ABCA12: variants seen among roughly 807,000 people sequenced by gnomAD.
The protein encoded by ABCA12 is glucosylceramide transporter ABCA12.
ABCA12 carries 156 observed loss-of-function variants against 293.5 expected under a neutral mutation model. The ratio of observed to expected loss-of-function variants is 0.53; its 90% confidence interval spans 0.47 to 0.61. The LOEUF (loss-of-function observed/expected upper bound fraction) is 0.61. Among genes scored for constraint, ABCA12 ranks in the 20% least tolerant of loss-of-function variants. The pLI, the probability that ABCA12 is intolerant of heterozygous loss-of-function variation, is 0.00. For missense variants in ABCA12, 2,797 were observed against 3,090.2 expected (o/e 0.91, Z 2.25); for synonymous variants, 1,063 against 1,108.0 (o/e 0.96, Z 0.81).
intron 1 of ABCA12, 77 bp downstream of exon 1, chr2:215,138,063 T>C: frequency 7.1e-7 from 1 of 1,407,286 alleles, no homozygotes. Flanking sequence ...TGTTTTCACT[T>C]CTCATTAAGA....
chr2:214,990,018 T>A (rs1035140182), intron 24 of ABCA12, among the ~76,000 whole-genome samples: 5 of 152,212 alleles, frequency 3.3e-5, no homozygotes, highest in African/African-American at 1.2e-4. Context: ...AGAAGTACTA[T>A]GAATAAAAAT....
rs780722586 is a variant in ABCA12, at chr2:214,976,861, A to AATAT, written c.5129-825_5129-824insATAT. 3.4e-3 allele frequency among the ~76,000 whole-genome samples: 524 copies of AATAT among 152,226 alleles called. 2 individuals carry two copies. Among genetic ancestry groups the AATAT allele is most frequent in the Middle Eastern group, 0.014 (4 of 294 alleles). On this transcript the variant is annotated intron_variant, in intron 33 of 52. Transcript: ENST00000272895. ...TAATAATTTCAGCACTCCCTCTAAA[A>AATAT]ACAGGTTCAAATATAGCATTCTCTC... is the stretch of plus-strand genomic sequence containing the variant.
At chr2:215,019,880 G>A in intron 11 of ABCA12, 84 bp from the exon 12 acceptor site, 5 of 1,520,384 alleles carry the variant, frequency 3.3e-6, no homozygotes, top group Non-Finnish European at 4.5e-6. Context: ...AACCACAATT[G>A]ATTTCCTTTA....
chr2:215,107,068 A>G (rs1331849427), intron 2 of ABCA12, among the ~76,000 whole-genome samples: 3 of 152,246 alleles, frequency 2.0e-5, no homozygotes, highest in Non-Finnish European at 2.9e-5. Context: ...GGAACAATAG[A>G]AAAACATTGT....
chr2:214,949,417 C>CATGTT (rs961581113), intron 45 of ABCA12, among the ~76,000 whole-genome samples: 1 of 149,272 alleles, frequency 6.7e-6, no homozygotes, highest in African/African-American at 2.5e-5. Context: ...ACCTATTTTA[C>CATGTT]ATGTTATGTT....
At position 215,138,402 on chromosome 2, in the gene ABCA12, CA is replaced by C; in HGVS notation, c.-195del. ...TTTTTCCCTGTGGTTAATCCTTAAC[CA>C]AGAGGCACTTCTCAATCAACTCTTC... is the stretch of plus-strand genomic sequence containing the variant. On this transcript the variant is annotated 5_prime_UTR_variant, in exon 1 of 53. Coordinates refer to ENST00000272895, the MANE Select transcript of ABCA12 (RefSeq NM_173076.3). The C allele has an allele frequency of 1.6e-6, 1 of 629,358 alleles. No individual in the cohort carries two copies. Among genetic ancestry groups the C allele is most frequent in the Non-Finnish European group, 2.8e-6 (1 of 351,516 alleles). 39.0% of individuals were successfully genotyped at this position (629,358 alleles called of 1,614,324 possible).
chr2:215,087,498 GTGTGTGTGTGCA>G (rs933665587), intron 2 of ABCA12, among the ~76,000 whole-genome samples: 2 of 151,640 alleles, frequency 1.3e-5, no homozygotes, highest in African/African-American at 2.4e-5. Flanking sequence ...GTGTGTGTGT[GTGTGTGTGTGCA>G]TGTGTGTGTG....
chr2:215,133,201 T>A (rs1703101924), intron 1 of ABCA12, among the ~76,000 whole-genome samples: 1 of 129,932 alleles, frequency 7.7e-6, no homozygotes, highest in African/African-American at 2.8e-5. Flanking sequence ...GTATGGACTT[T>A]GGATGATCTG....
intron 2 of ABCA12, among the ~76,000 whole-genome samples, chr2:215,105,513 C>A (rs1270570692): frequency 6.6e-6 from 1 of 151,676 alleles, no homozygotes; most frequent in East Asian, 1.9e-4. Context: ...CTAATGGGCC[C>A]AAATAGTATT....
chr2:215,003,030 C>G (rs1001178805), intron 20 of ABCA12, among the ~76,000 whole-genome samples: 2 of 152,106 alleles, frequency 1.3e-5, no homozygotes, highest in African/African-American at 4.8e-5. Flanking sequence ...TCCACTAGTA[C>G]CTTTATTTAA....
At position 215,002,603 on chromosome 2, in the gene ABCA12, GACA is replaced by G. The variant is rs769169149; in HGVS notation, c.2684-869_2684-867del. On this transcript the variant is annotated intron_variant, in intron 20 of 52. Transcript: ENST00000272895. ...AAATAGGACTAAATTTCTCACAGAA[GACA>G]ACTTCTTAAATGCATTTCTCATTAG... Among the ~76,000 whole-genome samples, 10 of 152,156 alleles carry G rather than the reference GACA, an allele frequency of 6.6e-5. No homozygotes were observed. In the East Asian group the frequency reaches 7.7e-4, roughly 12 times the overall value.
At chr2:215,103,944 G>A (rs571387671) in intron 2 of ABCA12, among the ~76,000 whole-genome samples, 10 of 151,916 alleles carry the variant, frequency 6.6e-5, no homozygotes, top group South Asian at 2.1e-4. Flanking sequence ...CCGAGATTGC[G>A]CTACTGCACT....
chr2:214,969,119 A>G (rs1257900845), intron 37 of ABCA12, among the ~76,000 whole-genome samples: 2 of 152,190 alleles, frequency 1.3e-5, no homozygotes, highest in South Asian at 2.1e-4. Flanking sequence ...CATCTCAAAT[A>G]TCTTAATATT....
At chr2:214,991,219 C>T (rs17428283) in intron 23 of ABCA12, among the ~76,000 whole-genome samples, 188 bp from the exon 24 acceptor site, 4,499 of 152,236 alleles carry the variant, frequency 0.03, 118 homozygotes, top group Non-Finnish European at 0.044. Flanking sequence ...ACCAGAACAA[C>T]TTAGATTATT....
chr2:215,001,088 G>T, intron 21 of ABCA12, 68 bp from the exon 22 acceptor site: 1 of 1,476,604 alleles, frequency 6.8e-7, no homozygotes, highest in Non-Finnish European at 9.4e-7. Flanking sequence ...TGTTTGGAGA[G>T]TACACAGAGG....
At chr2:214,944,441 A>T (rs572248443) in intron 49 of ABCA12, among the ~76,000 whole-genome samples, 106 of 151,382 alleles carry the variant, frequency 7.0e-4, no homozygotes, top group African/African-American at 2.3e-3. Context: ...TAAAAAAAAA[A>T]TTTCAAATAG....
Position 214,988,497 on chromosome 2 carries a change from T to A in ABCA12, c.3830-704A>T, listed in dbSNP as rs114060451. ...CTGTCTTTCACAGATCTTACATAAA[T>A]GAAATCATATTCTTTTATTCATGTA... On this transcript the variant is annotated intron_variant, in intron 26 of 52. Transcript: ENST00000272895. 5.9e-3 allele frequency among the ~76,000 whole-genome samples: 905 copies of A among 152,314 alleles called. 4 individuals carry two copies. Among genetic ancestry groups the A allele is most frequent in the Non-Finnish European group, 0.011 (736 of 68,018 alleles).
At chr2:214,965,920 A>G (rs569624239) in intron 39 of ABCA12, among the ~76,000 whole-genome samples, 1 of 152,360 alleles carries the variant, frequency 6.6e-6, no homozygotes, top group African/African-American at 2.4e-5. Context: ...ATTTTGTTAT[A>G]AAGATACATG....
chr2:214,948,476 T>C lies in ABCA12; in HGVS notation c.7104+120A>G, dbSNP rs556334000. On this transcript the variant is annotated intron_variant, in intron 47 of 52. Transcript: ENST00000272895. ...CTGCCAGAAGGAAAATGACAATGTT[T>C]TCCAGGTGGTTTTGAGGGGAAATGG... 510 of 1,081,288 alleles carry C rather than the reference T, an allele frequency of 4.7e-4. 2 individuals are homozygous for C. The highest frequency in any genetic ancestry group is 3.7e-5 in the Non-Finnish European group (27 of 736,558). 67.0% of individuals were successfully genotyped at this position (1,081,288 alleles called of 1,614,324 possible).
Sources: gnomAD v4.1 joint callset for allele counts (sites outside exome capture counted in the v4.1 genomes callset) on GRCh38, gnomAD v4.1.1 for gene constraint, MANE v1.5 for transcripts, NCBI Gene and HGNC (gene_info 2026-07-23, HGNC 2026-07-21) for gene names.